DOCK6: variants seen among roughly 807,000 people sequenced by gnomAD.
The protein encoded by DOCK6 is dedicator of cytokinesis 6.
In DOCK6, 167 loss-of-function variants were observed where a neutral mutation model predicts 230.3. The ratio of observed to expected loss-of-function variants is 0.73; its 90% CI spans 0.64 to 0.82. The LOEUF is 0.82. DOCK6 is among the 40% of genes least tolerant of loss of function. The pLI is 0.00. For synonymous variants in DOCK6, 1,148 were observed against 1,185.0 expected (o/e 0.97, Z 0.64); for missense variants, 2,598 against 2,825.8 (o/e 0.92, Z 1.83).
At chr19:11,235,908 T>C in intron 20 of DOCK6, 149 bp from the exon 21 acceptor site, 1 of 1,057,394 alleles carries the variant, frequency 9.5e-7, no homozygotes, top group Non-Finnish European at 1.3e-6. Flanking sequence ...TGAGATGGAG[T>C]CTTGCTCTGT....
At chr19:11,252,065 G>C in intron 5 of DOCK6, 54 bp downstream of exon 5, 1 of 1,562,368 alleles carries the variant, frequency 6.4e-7, no homozygotes, top group Non-Finnish European at 8.7e-7. Flanking sequence ...CAAAAGCTGA[G>C]GCCGGAGCCT....
intron 14 of DOCK6, chr19:11,240,382 C>T: frequency 7.4e-7 from 1 of 1,353,270 alleles, no homozygotes; most frequent in Non-Finnish European, 9.8e-7. Context: ...AAAGACCTCC[C>T]AGATCAGCCT....
At position 11,200,719 on chromosome 19, in the gene DOCK6, T is replaced by C. The variant is rs1411966389; in HGVS notation, c.5936A>G (p.Lys1979Arg). 1.2e-6 allele frequency: 2 copies of C among 1,612,318 alleles called. No individual in the cohort carries two copies. Among genetic ancestry groups the C allele is most frequent in the East Asian group, 2.2e-5 (1 of 44,854 alleles). The change falls in exon 46 of 48, where the codon AAG becomes AGG. Residue 1979 changes from lysine (K) to arginine (R), a missense_variant. By Grantham distance (26) the Lys-to-Arg change is conservative (BLOSUM62 2). Transcript: ENST00000294618. This position sits in a 1 kb window ranked among gnomAD's most constrained non-coding sequence, Gnocchi z 4.3. ...TCCTGGGGGGTTTTGCGCCTACTTCTTGCAGAAGTCCTTGAAGCAGAGCCG... is the reference window on the plus strand; with the variant it reads ...TCCTGGGGGGTTTTGCGCCTACTTCCTGCAGAAGTCCTTGAAGCAGAGCCG... The part of the protein sequence containing the change: ...KLRLCFKDFC[K>R]KCEDALRKNK...
chr19:11,236,967 G>A lies in DOCK6; in HGVS notation c.2074-88C>T. The A allele has an allele frequency of 7.3e-7, 1 of 1,369,696 alleles. No individual in the cohort carries two copies. 84.8% of individuals were successfully genotyped at this position (1,369,696 alleles called of 1,614,324 possible). A position where few individuals can be genotyped will look rare whatever the true frequency, so the allele number is the denominator to read the frequency against. On this transcript the variant is annotated intron_variant, in intron 18 of 47. Transcript: ENST00000294618. This position sits in a 1 kb window ranked among gnomAD's most constrained non-coding sequence, Gnocchi z 5.2. Reference sequence around the variant, plus strand: ...CGGCCCCAGCCATTGCGACACTGCAGCGTGAGTGTAGCCCGGTCTGGGGGT... The same window carrying A: ...CGGCCCCAGCCATTGCGACACTGCAACGTGAGTGTAGCCCGGTCTGGGGGT...
At chr19:11,262,361 TG>T (rs1249773092) in intron 1 of DOCK6, 35 bp downstream of exon 1, 9 of 948,138 alleles carry the variant, frequency 9.5e-6, no homozygotes, top group Non-Finnish European at 1.1e-5. Flanking sequence ...CCGGGCCACG[TG>T]GGGGAGGTGG....
chr19:11,240,017 T>C, intron 14 of DOCK6: 2 of 1,545,958 alleles, frequency 1.3e-6, no homozygotes, highest in Non-Finnish European at 1.7e-6. Context: ...CATCCTGGTT[T>C]GCCCAGGACT....
rs758949346 is a variant in DOCK6, at chr19:11,240,143, G to A, written c.1644-1839C>T. The A allele has an allele frequency of 3.9e-6, 6 of 1,551,564 alleles. No homozygotes were observed. The Admixed American group carries it at 7.9e-5, about 20-fold the overall frequency. On this transcript the variant is annotated intron_variant, in intron 14 of 47. Coordinates refer to ENST00000294618, the MANE Select transcript of DOCK6 (RefSeq NM_020812.4). ...CACTGTTTATTAAGCAGATGGAGGA[G>A]GATATTCTGCAGCTGCAGGCAGAGG...
intron 34 of DOCK6, 60 bp downstream of exon 34, chr19:11,214,215 G>A (rs988609914): frequency 1.4e-5 from 22 of 1,526,234 alleles, no homozygotes; most frequent in African/African-American, 1.2e-4. Flanking sequence ...ATGAGCCACT[G>A]TGCTCAGCCT....
In DOCK6 at chr19:11,221,947, A is replaced by G; in HGVS notation, c.3454T>C (p.Tyr1152His). The change falls in exon 28 of 48, where the codon TAC becomes CAC. Residue 1152 changes from tyrosine to histidine, a missense_variant. Coordinates refer to ENST00000294618, the MANE Select transcript of DOCK6 (RefSeq NM_020812.4). The stretch of plus-strand genomic sequence containing the variant: ...CGAGCCTTCACAGTGGCCTCGGCGT[A>G]GCGGGGGTCAGTGTCATGGCCACAT... ...LLCGHDTDPRYAEATVKARVA... is the reference protein window; with the variant it reads ...LLCGHDTDPRHAEATVKARVA... The G allele has an allele frequency of 6.2e-7, 1 of 1,613,838 alleles. No individual in the cohort carries two copies. Among genetic ancestry groups the G allele is most frequent in the Non-Finnish European group, 8.5e-7 (1 of 1,179,900 alleles).
At chr19:11,209,195 C>G (rs111230002) in intron 37 of DOCK6, 92 bp from the exon 38 acceptor site, 2 of 1,442,060 alleles carry the variant, frequency 1.4e-6, no homozygotes, top group Non-Finnish European at 1.9e-6. Flanking sequence ...CTGGTTACCC[C>G]CATGTCCGCC....
At chr19:11,207,844 C>T (rs2079287301) in intron 39 of DOCK6, among the ~76,000 whole-genome samples, 1 of 152,052 alleles carries the variant, frequency 6.6e-6, no homozygotes. Flanking sequence ...GTGGGAGAAT[C>T]ACCTGAGCCC....
At chr19:11,234,578 C>T (rs1253840199) in intron 21 of DOCK6, among the ~76,000 whole-genome samples, 1 of 151,428 alleles carries the variant, frequency 6.6e-6, no homozygotes, top group Non-Finnish European at 1.5e-5. Context: ...ATTACTATGT[C>T]ACTTACTATT....
chr19:11,237,829 C>T, intron 16 of DOCK6, 50 bp from the exon 17 acceptor site: 1 of 1,527,460 alleles, frequency 6.5e-7, no homozygotes, highest in South Asian at 1.2e-5. Flanking sequence ...TCCCCACTGT[C>T]TGCCCCATCA....
At position 11,248,167 on chromosome 19, in the gene DOCK6, G is replaced by T; in HGVS notation, c.721-16C>A. On this transcript the variant is annotated splice_polypyrimidine_tract_variant and intron_variant, in intron 6 of 47. Coordinates refer to ENST00000294618, the MANE Select transcript of DOCK6 (RefSeq NM_020812.4). Reference sequence around the variant, plus strand: ...CGGCTTCATCCTGCCAAGAGTGGGGGGTGGGAGCTGGGCGGGAGGAGCTGG... The same window carrying T: ...CGGCTTCATCCTGCCAAGAGTGGGGTGTGGGAGCTGGGCGGGAGGAGCTGG... 3 of 1,532,786 alleles carry T rather than the reference G, an allele frequency of 2.0e-6. No homozygotes were observed. Among genetic ancestry groups the T allele is most frequent in the Non-Finnish European group, 2.7e-6 (3 of 1,112,102 alleles). The allele number at this position is 1,532,786 out of a possible 1,614,324, so 94.9% of individuals were successfully genotyped here. A position where few individuals can be genotyped will look rare whatever the true frequency, so the allele number is the denominator to read the frequency against.
Position 11,248,143 on chromosome 19 carries a change from G to C in DOCK6, c.729C>G (p.Ala243=), listed in dbSNP as rs35674395. 1.5e-4 allele frequency: 244 copies of C among 1,608,382 alleles called. No homozygotes were observed. The African/African-American group carries it at 2.7e-3, about 17-fold the overall frequency. The change falls in exon 7 of 48, where the codon GCC becomes GCG. Residue 243 remains alanine (A), a synonymous_variant. Coordinates refer to ENST00000294618, the MANE Select transcript of DOCK6 (RefSeq NM_020812.4). The part of the protein sequence containing the change: ...TLYPAPDEDE[A]VERCSRPEPP... ...GCTCTGGGCGGCTACAGCGTTCCAC[G>C]GCTTCATCCTGCCAAGAGTGGGGGG...
chr19:11,245,626 G>A lies in DOCK6; in HGVS notation c.960C>T (p.Thr320=). 1 of 1,599,452 alleles carries A rather than the reference G, an allele frequency of 6.3e-7. No individual in the cohort carries two copies. Among genetic ancestry groups the A allele is most frequent in the Non-Finnish European group, 8.5e-7 (1 of 1,173,094 alleles). The change falls in exon 9 of 48, where the codon ACC becomes ACT. Residue 320 remains threonine, a synonymous_variant. Coordinates refer to ENST00000294618, the MANE Select transcript of DOCK6 (RefSeq NM_020812.4). ...RAHGTHPAIS[T]LARSAIFSVT... ...CAGAGAAGATGGCAGAGCGGGCCAG[G>A]GTGGAGATGGCAGGGTGGGTGCCAT... is the stretch of plus-strand genomic sequence containing the variant.
rs1432845632 is a variant in DOCK6 at position 11,212,154 on chromosome 19, G to A, written c.4492-3C>T. 3 of 1,607,330 alleles carry A rather than the reference G, an allele frequency of 1.9e-6. No homozygotes were observed. Among genetic ancestry groups the A allele is most frequent in the South Asian group, 2.2e-5 (2 of 90,854 alleles). On this transcript the variant is annotated splice_polypyrimidine_tract_variant and splice_region_variant and intron_variant, in intron 35 of 47. Coordinates refer to ENST00000294618, the MANE Select transcript of DOCK6 (RefSeq NM_020812.4). ...TGCATCTTCACACGGGCAAAGTTCT[G>A]CAGGGACAGGGGCGGGAGGGTGGAG...
At chr19:11,232,761 G>A (rs2079787065) in intron 22 of DOCK6, among the ~76,000 whole-genome samples, 1 of 151,476 alleles carries the variant, frequency 6.6e-6, no homozygotes, top group Non-Finnish European at 1.5e-5. Flanking sequence ...TAGGGTGAAT[G>A]TGCCTATGTA....
intron 21 of DOCK6, 109 bp downstream of exon 21, chr19:11,235,489 G>T: frequency 3.6e-6 from 4 of 1,108,358 alleles, no homozygotes; most frequent in South Asian, 3.4e-5. Flanking sequence ...GACCTCAAAT[G>T]ATCCATCCAG....
Sources: gnomAD v4.1 joint callset for allele counts (sites outside exome capture counted in the v4.1 genomes callset) on GRCh38, gnomAD v4.1.1 for gene constraint, Gnocchi (gnomAD v3.1) non-coding constraint, MANE v1.5 for transcripts, NCBI Gene and HGNC (gene_info 2026-07-23, HGNC 2026-07-21) for gene names.